ZC3H12B: variants seen among roughly 807,000 people sequenced by gnomAD.
ZC3H12B encodes probable ribonuclease ZC3H12B.
ZC3H12B carries 7 observed loss-of-function variants against 43.9 expected under a neutral mutation model. The ratio of observed to expected loss-of-function variants is 0.16; its 90% confidence interval spans 0.09 to 0.30. The LOEUF (loss-of-function observed/expected upper bound fraction) is 0.30, where lower values mean the gene tolerates loss of function less well. ZC3H12B is among the 10% of genes least tolerant of loss of function. ZC3H12B has a pLI of 1.00. For synonymous variants in ZC3H12B, 222 were observed against 241.7 expected, an observed-to-expected ratio of 0.92 and a Z score of 0.76; for missense variants, 475 against 670.2, an observed-to-expected ratio of 0.71 and a Z score of 3.22.
At chrX:65,161,905 T>C in the ZC3H12B span, among the ~76,000 whole-genome samples, 60 of 112,095 alleles carry the variant, frequency 5.4e-4, no homozygotes, top group African/African-American at 1.7e-3. Flanking sequence ...TGGCTGGTAC[T>C]GGTTGTTCCT....
the ZC3H12B span, among the ~76,000 whole-genome samples, chrX:65,246,724 C>T: frequency 2.7e-5 from 3 of 112,108 alleles, no homozygotes; most frequent in Non-Finnish European, 5.6e-5. Context: ...TGAAACTGAA[C>T]CCCTTCCTTA....
rs6624789 is a variant in ZC3H12B at position 65,398,430 on chromosome X, G to A, written n.296-163G>A. 4.5e-5 allele frequency among the ~76,000 whole-genome samples: 5 copies of A among 111,656 alleles called. No homozygotes were observed. The Admixed American group carries it at 4.8e-4, about 11-fold the overall frequency. On this transcript the variant is annotated intron_variant and non_coding_transcript_variant, in intron 2 of 5. Coordinates refer to the ZC3H12B transcript ENST00000617377. Reference sequence around the variant, plus strand: ...CCCCACACAAATCTTGTTTCGAATTGTAATCCCCATGTGTCAGGGAAGGGA... The same window carrying A: ...CCCCACACAAATCTTGTTTCGAATTATAATCCCCATGTGTCAGGGAAGGGA...
chrX:65,122,091 TGTG>T, the ZC3H12B span, among the ~76,000 whole-genome samples: 1 of 111,339 alleles, frequency 9.0e-6, no homozygotes, highest in Admixed American at 9.6e-5. Flanking sequence ...TTGGAATAAG[TGTG>T]GTGTGGTGCT....
the ZC3H12B span, among the ~76,000 whole-genome samples, chrX:65,058,725 C>T: frequency 8.9e-6 from 1 of 112,000 alleles, no homozygotes; most frequent in African/African-American, 3.2e-5. Context: ...GGGCTCCACC[C>T]AGTTCAAGCT....
At chrX:65,068,104 A>ATT in the ZC3H12B span, among the ~76,000 whole-genome samples, 1 of 42,248 alleles carries the variant, frequency 2.4e-5, no homozygotes, top group African/African-American at 1.8e-4. Flanking sequence ...ACTTGATGTT[A>ATT]CTTTTTTTTT....
chrX:65,243,509 A>G, the ZC3H12B span, among the ~76,000 whole-genome samples: 1 of 112,297 alleles, frequency 8.9e-6, no homozygotes, highest in Non-Finnish European at 1.9e-5. Context: ...GGAACTGTGT[A>G]CATTCTTTGT....
chrX:65,357,186 T>G, the ZC3H12B span: 2 of 412,876 alleles, frequency 4.8e-6, no homozygotes, highest in Middle Eastern at 7.2e-4. Flanking sequence ...TTCCCAATCT[T>G]TTATAAATTT....
the ZC3H12B span, among the ~76,000 whole-genome samples, chrX:65,213,660 G>T: frequency 9.1e-6 from 1 of 110,299 alleles, no homozygotes; most frequent in South Asian, 3.8e-4. Flanking sequence ...CTTTGTTTTT[G>T]TGTATATTTC....
chrX:65,118,352 G>C, the ZC3H12B span, among the ~76,000 whole-genome samples: 2 of 111,314 alleles, frequency 1.8e-5, no homozygotes, highest in South Asian at 7.6e-4. Flanking sequence ...CTCATGATTT[G>C]GCTCTCTGTT....
chrX:65,446,322 G>A (rs761919369), intron 3 of ZC3H12B, among the ~76,000 whole-genome samples: 2 of 111,960 alleles, frequency 1.8e-5, no homozygotes, highest in Admixed American at 1.9e-4. Context: ...AGAGAGAGGT[G>A]ACACAAGCAC....
chrX:65,440,789 A>G (rs763320804), intron 3 of ZC3H12B, among the ~76,000 whole-genome samples: 30 of 111,981 alleles, frequency 2.7e-4, no homozygotes, highest in Non-Finnish European at 5.5e-4. Flanking sequence ...CATTTACCTG[A>G]TTTTTTCTTA....
the ZC3H12B span, among the ~76,000 whole-genome samples, chrX:65,179,419 G>T: frequency 9.7e-6 from 1 of 102,778 alleles, no homozygotes; most frequent in Non-Finnish European, 1.9e-5. Flanking sequence ...AAAAAAAAAA[G>T]ATCTAAAAAA....
At chrX:65,149,005 T>A in the ZC3H12B span, among the ~76,000 whole-genome samples, 1 of 111,579 alleles carries the variant, frequency 9.0e-6, no homozygotes, top group Non-Finnish European at 1.9e-5. Context: ...GTTAACTGGT[T>A]AATAGAAGTT....
the ZC3H12B span, among the ~76,000 whole-genome samples, chrX:65,180,804 A>G: frequency 8.9e-6 from 1 of 111,865 alleles, no homozygotes; most frequent in South Asian, 3.7e-4. Context: ...AAGAATCAAG[A>G]TCATGAAAAT....
the ZC3H12B span, among the ~76,000 whole-genome samples, chrX:65,165,859 A>C: frequency 4.5e-5 from 5 of 112,147 alleles, no homozygotes; most frequent in Admixed American, 9.5e-5. Flanking sequence ...TAGATCCTTC[A>C]GGAATGGCCA....
At chrX:65,268,842 G>T in the ZC3H12B span, among the ~76,000 whole-genome samples, 2 of 111,772 alleles carry the variant, frequency 1.8e-5, no homozygotes, top group Non-Finnish European at 3.8e-5. Flanking sequence ...AGGCAAAAAT[G>T]CCCACTCTCA....
intron 3 of ZC3H12B, among the ~76,000 whole-genome samples, chrX:65,425,321 C>T (rs1432150763): frequency 1.8e-5 from 2 of 111,194 alleles, no homozygotes; most frequent in Non-Finnish European, 3.8e-5. Context: ...TATTTTGTAT[C>T]CTGAAACTTT....
chrX:65,071,547 A>G, the ZC3H12B span, among the ~76,000 whole-genome samples: 4 of 110,499 alleles, frequency 3.6e-5, no homozygotes, highest in African/African-American at 1.3e-4. Flanking sequence ...TTTTATTGTC[A>G]CTGGTCTATG....
intron 3 of ZC3H12B, among the ~76,000 whole-genome samples, chrX:65,400,599 A>G (rs2066751312): frequency 1.8e-5 from 2 of 111,798 alleles, no homozygotes; most frequent in Admixed American, 1.9e-4. Context: ...TCAATGCAGA[A>G]TCTTCAAAAA....
Sources: allele counts gnomAD v4.1 joint callset (sites outside exome capture counted in the v4.1 genomes callset), GRCh38; gene constraint gnomAD v4.1.1; transcripts MANE v1.5; gene names NCBI Gene and HGNC (gene_info 2026-07-23, HGNC 2026-07-21).